Variants in CACNB2 observed in about 807,000 individuals in gnomAD.
The protein encoded by CACNB2 is voltage-dependent L-type calcium channel subunit beta-2.
CACNB2 carries 42 observed loss-of-function variants against 73.3 expected under a neutral mutation model. The ratio of observed to expected loss-of-function variants is 0.57; its 90% CI spans 0.45 to 0.74. The LOEUF is 0.74. Ranked by LOEUF, CACNB2 falls within the 30% of genes least tolerant of loss-of-function variation. The pLI, the probability that CACNB2 is intolerant of heterozygous loss-of-function variation, is 0.00. For synonymous variants in CACNB2, 348 were observed against 310.3 expected (o/e 1.12, Z -1.28); for missense variants, 940 against 853.0 (o/e 1.10, Z -1.27).
intron 2 of CACNB2, among the ~76,000 whole-genome samples, chr10:18,217,249 C>T (rs1051666241): frequency 3.3e-5 from 5 of 152,022 alleles, no homozygotes; most frequent in African/African-American, 1.2e-4. Flanking sequence ...TTTGGGAGGC[C>T]GAGGCTGGTG....
chr10:18,504,667 C>T (rs1211203066), intron 5 of CACNB2, among the ~76,000 whole-genome samples: 2 of 139,960 alleles, frequency 1.4e-5, no homozygotes, highest in Non-Finnish European at 3.3e-5. Context: ...GTGTGTGAGA[C>T]AGAGCCTCGC....
At chr10:18,467,667 G>C (rs970389930) in intron 3 of CACNB2, among the ~76,000 whole-genome samples, 2 of 152,234 alleles carry the variant, frequency 1.3e-5, no homozygotes, top group Admixed American at 6.5e-5. Flanking sequence ...GACAGTGGCA[G>C]TCAGGAACCT....
At chr10:18,183,029 G>A (rs1217657987) in intron 2 of CACNB2, among the ~76,000 whole-genome samples, 12 of 151,778 alleles carry the variant, frequency 7.9e-5, no homozygotes, top group Non-Finnish European at 1.8e-4. Context: ...AAGCAGAGGG[G>A]CATTGTGGTT....
At position 18,540,991 on chromosome 10, in the gene CACNB2, T is replaced by TGTGA. The variant is rs2054040940; in HGVS notation, c.*1271_*1274dup. 1 of 152,784 alleles carries TGTGA rather than the reference T, an allele frequency of 6.5e-6. No homozygotes were observed. Among genetic ancestry groups the TGTGA allele is most frequent in the African/African-American group, 2.4e-5 (1 of 41,574 alleles). The allele number at this position is 152,784 out of a possible 1,614,324, so 9.5% of individuals were successfully genotyped here. ...AGAGTGAAAATACAGGCAATTTTAC[T>TGTGA]GTGAGTGTTTCACTGGAAATGTACA... On this transcript the variant is annotated 3_prime_UTR_variant, in exon 14 of 14. Coordinates refer to ENST00000324631, the MANE Select transcript of CACNB2 (RefSeq NM_201596.3).
chr10:18,502,326 T>G (rs1240315644), intron 5 of CACNB2, among the ~76,000 whole-genome samples: 1 of 146,322 alleles, frequency 6.8e-6, no homozygotes, highest in Non-Finnish European at 1.5e-5. Context: ...AAGAACAAGA[T>G]CATGTCTTTT....
chr10:18,380,537 C>T lies in CACNB2; in HGVS notation c.214-21387C>T, dbSNP rs140219039. Among the ~76,000 whole-genome samples, 1,350 of 149,746 alleles carry T rather than the reference C, an allele frequency of 9.0e-3. 78 individuals carry two copies. Among genetic ancestry groups the T allele is most frequent in the Admixed American group, 0.085 (1,271 of 14,886 alleles). ...TGGTGCAATCTCGGTTCACTGTAAC[C>T]TCCGCCTCCTAGGTTCAAGCGATTC... On this transcript the variant is annotated intron_variant, in intron 2 of 13. Coordinates refer to ENST00000324631, the MANE Select transcript of CACNB2 (RefSeq NM_201596.3).
chr10:18,398,816 G>A (rs1314067475), intron 2 of CACNB2, among the ~76,000 whole-genome samples: 1 of 152,040 alleles, frequency 6.6e-6, no homozygotes, highest in Non-Finnish European at 1.5e-5. Context: ...TCAATTGGTA[G>A]TCACATCCTG....
intron 2 of CACNB2, among the ~76,000 whole-genome samples, chr10:18,182,543 A>G (rs1383267221): frequency 6.6e-6 from 1 of 151,562 alleles, no homozygotes; most frequent in Non-Finnish European, 1.5e-5. Context: ...TCACCCAGGC[A>G]GGAGGTGGTG....
intron 2 of CACNB2, among the ~76,000 whole-genome samples, chr10:18,259,696 A>G (rs1588872192): frequency 1.4e-5 from 2 of 145,024 alleles, no homozygotes; most frequent in Admixed American, 7.1e-5. Context: ...GTGCCACTGC[A>G]CTCCAGTCTG....
At chr10:18,297,747 G>A (rs1437871122) in intron 2 of CACNB2, among the ~76,000 whole-genome samples, 1 of 152,116 alleles carries the variant, frequency 6.6e-6, no homozygotes, top group African/African-American at 2.4e-5. Context: ...TTCAGCTGGT[G>A]GAACATCTCT....
Position 18,539,899 on chromosome 10 carries a change from T to TTTTC in CACNB2, c.*179_*182dup. On this transcript the variant is annotated 3_prime_UTR_variant, in exon 14 of 14. Transcript: ENST00000324631. Reference sequence around the variant, plus strand: ...AGCATGGATAGAGTATTGAGATACTTTTTCTTTTGTAAGTGCTACATAAAT... The same window carrying TTTTC: ...AGCATGGATAGAGTATTGAGATACTTTTTCTTTCTTTTGTAAGTGCTACATAAAT... The TTTTC allele has an allele frequency of 1.4e-6, 1 of 726,798 alleles. No individual in the cohort carries two copies. The highest frequency in any genetic ancestry group is 2.2e-6 in the Non-Finnish European group (1 of 460,400). 45.0% of individuals were successfully genotyped at this position (726,798 alleles called of 1,614,324 possible).
chr10:18,518,999 ATT>A (rs1369903726), intron 9 of CACNB2, 31 bp downstream of exon 9: 1 of 1,606,134 alleles, frequency 6.2e-7, no homozygotes, highest in Non-Finnish European at 8.5e-7. Flanking sequence ...GGTTTTGTGG[ATT>A]TTGTCTTAAA....
At chr10:18,478,995 T>C (rs1376566493) in intron 3 of CACNB2, among the ~76,000 whole-genome samples, 3 of 151,966 alleles carry the variant, frequency 2.0e-5, no homozygotes, top group African/African-American at 7.3e-5. Flanking sequence ...TAGTTCAAGG[T>C]TGCGGTGAGT....
At position 18,536,085 on chromosome 10, in the gene CACNB2, T is replaced by C; in HGVS notation, c.1207-16T>C. ...ATGTAGTTATTACTCTGTTAAAAAC[T>C]CATTATCTTTTACAGGTTTTACAAA... On this transcript the variant is annotated splice_polypyrimidine_tract_variant and intron_variant, in intron 11 of 13. Coordinates refer to ENST00000324631, the MANE Select transcript of CACNB2 (RefSeq NM_201596.3). The C allele has an allele frequency of 6.7e-7, 1 of 1,491,286 alleles. No individual in the cohort carries two copies. Among genetic ancestry groups the C allele is most frequent in the Non-Finnish European group, 9.4e-7 (1 of 1,068,944 alleles). The allele number at this position is 1,491,286 out of a possible 1,614,324, so 92.4% of individuals were successfully genotyped here.
At chr10:18,527,507 G>C (rs750725736) in intron 9 of CACNB2, 81 bp from the exon 10 acceptor site, 66 of 836,390 alleles carry the variant, frequency 7.9e-5, no homozygotes, top group Non-Finnish European at 1.3e-4. Context: ...TTCATACTTA[G>C]ATGAATTTGG....
At position 18,421,120 on chromosome 10, in the gene CACNB2, A is replaced by G. The variant is rs532132205; in HGVS notation, c.333+19077A>G. The stretch of plus-strand genomic sequence containing the variant: ...ATCTTCATCTTAGTAAAGGTCCATT[A>G]GCCCTTGTTAACTCTGGTCCAAGAA... On this transcript the variant is annotated intron_variant, in intron 3 of 13. Transcript: ENST00000324631. 6.6e-5 allele frequency among the ~76,000 whole-genome samples: 10 copies of G among 152,320 alleles called. No individual in the cohort carries two copies. In the South Asian group the frequency reaches 2.1e-3, roughly 32 times the overall value.
At chr10:18,328,927 C>T (rs997406936) in intron 2 of CACNB2, among the ~76,000 whole-genome samples, 1 of 152,174 alleles carries the variant, frequency 6.6e-6, no homozygotes, top group East Asian at 1.9e-4. Flanking sequence ...TCCAGTTTTT[C>T]ATTTGATACT....
intron 2 of CACNB2, among the ~76,000 whole-genome samples, chr10:18,346,315 T>A (rs1417313984): frequency 2.0e-5 from 3 of 151,976 alleles, no homozygotes; most frequent in African/African-American, 7.2e-5. Flanking sequence ...AATTTTTGTA[T>A]GTTTAGTAGA....
chr10:18,485,816 C>G (rs1381766715), intron 3 of CACNB2, among the ~76,000 whole-genome samples: 2 of 151,736 alleles, frequency 1.3e-5, no homozygotes. Flanking sequence ...CTCCTGACCT[C>G]AAGTGATCTG....
Sources: gnomAD v4.1 joint callset for allele counts (sites outside exome capture counted in the v4.1 genomes callset) on GRCh38, gnomAD v4.1.1 for gene constraint, MANE v1.5 for transcripts, NCBI Gene and HGNC (gene_info 2026-07-23, HGNC 2026-07-21) for gene names.